Variants in BCKDHB observed in about 807,000 individuals in gnomAD.
BCKDHB encodes the protein branched chain keto acid dehydrogenase E1 subunit beta.
A neutral mutation model predicts 48.5 loss-of-function variants in BCKDHB; 41 were observed. The ratio of observed to expected loss-of-function variants is 0.85; its 90% confidence interval spans 0.66 to 1.10. The LOEUF (loss-of-function observed/expected upper bound fraction) is 1.10, where lower values mean the gene tolerates loss of function less well. BCKDHB is among the 50% of genes least tolerant of loss of function. BCKDHB has a pLI of 0.00. For synonymous variants in BCKDHB, 201 were observed against 174.8 expected, an observed-to-expected ratio of 1.15 and a Z score of -1.18; for missense variants, 496 against 494.2, an observed-to-expected ratio of 1.00 and a Z score of -0.03.
At chr6:80,179,915 G>A (rs1193712641) in intron 6 of BCKDHB, among the ~76,000 whole-genome samples, 1 of 152,108 alleles carries the variant, frequency 6.6e-6, no homozygotes, top group Admixed American at 6.5e-5. Flanking sequence ...GAAGAGATGA[G>A]GTCGTTTGGC....
At chr6:80,226,637 A>G (rs1437881164) in intron 8 of BCKDHB, among the ~76,000 whole-genome samples, 2 of 152,238 alleles carry the variant, frequency 1.3e-5, no homozygotes, top group African/African-American at 4.8e-5. Flanking sequence ...TTCACTCACC[A>G]GAAATATACA....
At chr6:80,202,120 T>C (rs1774425550) in intron 7 of BCKDHB, among the ~76,000 whole-genome samples, 1 of 152,174 alleles carries the variant, frequency 6.6e-6, no homozygotes, top group African/African-American at 2.4e-5. Context: ...CTCTTTTTAA[T>C]AGGGAGGTTA....
At chr6:80,461,364 C>T in the BCKDHB span, among the ~76,000 whole-genome samples, 1 of 152,296 alleles carries the variant, frequency 6.6e-6, no homozygotes, top group Non-Finnish European at 1.5e-5. Flanking sequence ...CCTCTCTCAT[C>T]TTATCCATAT....
At chr6:80,412,146 A>AT in the BCKDHB span, among the ~76,000 whole-genome samples, 73,916 of 137,026 alleles carry the variant, frequency 0.54, 20,791 homozygotes, top group Non-Finnish European at 0.64. Context: ...CACAGTTTAC[A>AT]TTTTTTTTTT....
At chr6:80,436,394 C>A in the BCKDHB span, among the ~76,000 whole-genome samples, 1 of 151,908 alleles carries the variant, frequency 6.6e-6, no homozygotes, top group African/African-American at 2.4e-5. Context: ...CATCTCCTGA[C>A]CTCGTGATCC....
Position 80,343,973 on chromosome 6 carries a change from C to A in BCKDHB, c.*169C>A, listed in dbSNP as rs867986690. The A allele has an allele frequency of 1.2e-6, 1 of 806,656 alleles. No individual in the cohort carries two copies. The highest frequency in any genetic ancestry group is 2.0e-6 in the Non-Finnish European group (1 of 499,920). The allele number at this position is 806,656 out of a possible 1,614,324, so 50.0% of individuals were successfully genotyped here. A position where few individuals can be genotyped will look rare whatever the true frequency, so the allele number is the denominator to read the frequency against. On this transcript the variant is annotated 3_prime_UTR_variant, in exon 10 of 10. Coordinates refer to ENST00000320393, the MANE Select transcript of BCKDHB (RefSeq NM_183050.4). ...AATAATGTGCTTTAGAAAAAAAATT[C>A]AAATTTATAGTAGTATATTTACATT...
In BCKDHB at chr6:80,277,616, G is replaced by T. The variant is rs537760356; in HGVS notation, c.1038+4395G>T. 8.8e-4 allele frequency among the ~76,000 whole-genome samples: 132 copies of T among 150,214 alleles called. No individual in the cohort carries two copies. The Middle Eastern group carries it at 0.021, about 24-fold the overall frequency. ...CTGCTTTGGATTCAGTGCTTAAAAA[G>T]AGTGCCAGAAATTTTAGGGATGTGG... is the stretch of plus-strand genomic sequence containing the variant. On this transcript the variant is annotated intron_variant, in intron 9 of 9. Coordinates refer to ENST00000320393, the MANE Select transcript of BCKDHB (RefSeq NM_183050.4).
chr6:80,107,770 T>G (rs1394751826), intron 1 of BCKDHB, among the ~76,000 whole-genome samples: 1 of 151,836 alleles, frequency 6.6e-6, no homozygotes, highest in Non-Finnish European at 1.5e-5. Context: ...GAGGAAGCCA[T>G]AGGAAGGGCA....
chr6:80,421,378 G>T, the BCKDHB span, among the ~76,000 whole-genome samples: 1 of 152,138 alleles, frequency 6.6e-6, no homozygotes, highest in Non-Finnish European at 1.5e-5. Context: ...TTATAGGATT[G>T]TGGAAACAGA....
At chr6:80,419,578 C>T in the BCKDHB span, among the ~76,000 whole-genome samples, 1 of 152,210 alleles carries the variant, frequency 6.6e-6, no homozygotes, top group Non-Finnish European at 1.5e-5. Context: ...CTATACCAAA[C>T]CCTCTGGGAT....
chr6:80,169,897 T>C, intron 5 of BCKDHB: 1 of 1,573,312 alleles, frequency 6.4e-7, no homozygotes, highest in South Asian at 1.2e-5. Context: ...AAAGAAGCCA[T>C]GTGCGAGGCA....
chr6:80,373,644 T>C, the BCKDHB span, among the ~76,000 whole-genome samples: 1 of 152,186 alleles, frequency 6.6e-6, no homozygotes, highest in Non-Finnish European at 1.5e-5. Context: ...CTATCTCATC[T>C]CTTAGGTCTA....
At chr6:80,212,724 A>G (rs776919951) in intron 8 of BCKDHB, among the ~76,000 whole-genome samples, 4 of 152,202 alleles carry the variant, frequency 2.6e-5, no homozygotes, top group Non-Finnish European at 5.9e-5. Flanking sequence ...AAATCTTCAC[A>G]ATTTATGTTC....
At chr6:80,288,110 G>T (rs1766716937) in intron 9 of BCKDHB, among the ~76,000 whole-genome samples, 1 of 150,798 alleles carries the variant, frequency 6.6e-6, no homozygotes, top group Non-Finnish European at 1.5e-5. Context: ...TTCCAAATTG[G>T]GTGTTAGTAG....
In BCKDHB at chr6:80,216,821, G is replaced by A. The variant is rs185036874; in HGVS notation, c.951+13609G>A. Among the ~76,000 whole-genome samples, 15 of 152,184 alleles carry A rather than the reference G, an allele frequency of 9.9e-5. No individual in the cohort carries two copies. The East Asian group carries it at 1.4e-3, about 14-fold the overall frequency. On this transcript the variant is annotated intron_variant, in intron 8 of 9. Coordinates refer to ENST00000320393, the MANE Select transcript of BCKDHB (RefSeq NM_183050.4). ...ACGAAATTGTATTTATTCTGTAATC[G>A]TTAAGAATTTCTTATCTTTTCTATT...
At chr6:80,162,161 G>C (rs1234279372) in intron 3 of BCKDHB, among the ~76,000 whole-genome samples, 1 of 152,014 alleles carries the variant, frequency 6.6e-6, no homozygotes, top group African/African-American at 2.4e-5. Flanking sequence ...GGGTCCATTC[G>C]GTCTTCCATT....
chr6:80,430,126 G>A, the BCKDHB span, among the ~76,000 whole-genome samples: 20 of 152,324 alleles, frequency 1.3e-4, no homozygotes, highest in Admixed American at 5.9e-4. Flanking sequence ...AGATAATCAT[G>A]TGGTTTTTGT....
chr6:80,431,050 T>C, the BCKDHB span, among the ~76,000 whole-genome samples: 1 of 152,234 alleles, frequency 6.6e-6, no homozygotes, highest in African/African-American at 2.4e-5. Context: ...AAATAACATC[T>C]TTATTTCTGC....
rs1230666919 is a variant in BCKDHB, at chr6:80,157,632, AT to A, written c.344-10037del. The stretch of plus-strand genomic sequence containing the variant: ...AGGCATGTGCCACCACACCTGGCTA[AT>A]TTTTTTTTGTATTTTTTTTTTTTTA... On this transcript the variant is annotated intron_variant, in intron 3 of 9. Transcript: ENST00000320393. 1.8e-3 allele frequency among the ~76,000 whole-genome samples: 263 copies of A among 149,226 alleles called. 1 individual carries two copies. The highest frequency in any genetic ancestry group is 6.1e-3 in the African/African-American group (248 of 40,670).
Sources: allele counts gnomAD v4.1 joint callset (sites outside exome capture counted in the v4.1 genomes callset), GRCh38; gene constraint gnomAD v4.1.1; transcripts MANE v1.5; gene names NCBI Gene and HGNC (gene_info 2026-07-23, HGNC 2026-07-21).